ACTR2: variants seen among roughly 807,000 people sequenced by gnomAD.
The protein encoded by ACTR2 is actin related protein 2, also known as actin-related protein 2.
A neutral mutation model predicts 50.2 loss-of-function variants in ACTR2; 5 were observed. The ratio of observed to expected loss-of-function variants is 0.10; its 90% CI spans 0.05 to 0.21. The LOEUF is 0.21. ACTR2 is among the 10% of genes least tolerant of loss of function. The probability of loss-of-function intolerance (pLI) is 1.00; values close to 1 mark genes in which losing one functional copy is unlikely to be tolerated. For synonymous variants in ACTR2, 140 were observed against 162.9 expected, an observed-to-expected ratio of 0.86 and a Z score of 1.07; for missense variants, 180 against 480.6, an observed-to-expected ratio of 0.37 and a Z score of 5.85.
intron 2 of ACTR2, among the ~76,000 whole-genome samples, chr2:65,243,032 G>A (rs268860): frequency 0.33 from 49,801 of 152,032 alleles, 9,123 homozygotes; most frequent in African/African-American, 0.48. Flanking sequence ...TGTACTCCCA[G>A]CACTTTGGGA....
chr2:65,259,602 G>A (rs1234032491), intron 6 of ACTR2, among the ~76,000 whole-genome samples: 5 of 151,986 alleles, frequency 3.3e-5, no homozygotes, highest in Admixed American at 6.6e-5. Flanking sequence ...GGTGGCACAT[G>A]CCTGTAATCT....
intron 6 of ACTR2, among the ~76,000 whole-genome samples, chr2:65,259,674 A>T (rs1672226922): frequency 6.6e-6 from 1 of 152,192 alleles, no homozygotes; most frequent in South Asian, 2.1e-4. Flanking sequence ...GGTTGCACTG[A>T]GCCACGATCA....
chr2:65,242,065 T>A, intron 2 of ACTR2: 1 of 1,601,156 alleles, frequency 6.2e-7, no homozygotes, highest in Non-Finnish European at 8.6e-7. Flanking sequence ...AAAAAGATGG[T>A]AAGTGAGGTT....
chr2:65,241,189 T>C (rs1671835333), intron 2 of ACTR2, among the ~76,000 whole-genome samples: 1 of 152,152 alleles, frequency 6.6e-6, no homozygotes, highest in Non-Finnish European at 1.5e-5. Context: ...GAACTTTGAC[T>C]GGAAATTAGC....
At chr2:65,259,353 T>C (rs1672217992) in intron 6 of ACTR2, among the ~76,000 whole-genome samples, 1 of 151,648 alleles carries the variant, frequency 6.6e-6, no homozygotes, top group Non-Finnish European at 1.5e-5. Context: ...ATCTGGGAGA[T>C]TGAGGCTGCA....
chr2:65,233,647 T>C (rs1482782145), intron 1 of ACTR2, among the ~76,000 whole-genome samples: 1 of 152,008 alleles, frequency 6.6e-6, no homozygotes, highest in Non-Finnish European at 1.5e-5. Context: ...AGTCTCACTC[T>C]GTCTCCCAGG....
intron 7 of ACTR2, among the ~76,000 whole-genome samples, chr2:65,262,720 G>C (rs988981431): frequency 2.6e-5 from 4 of 152,100 alleles, no homozygotes; most frequent in African/African-American, 9.7e-5. Context: ...CACTTTGGAG[G>C]CTGAGGTGGG....
At chr2:65,256,580 A>T (rs2104011086) in intron 6 of ACTR2, among the ~76,000 whole-genome samples, 1 of 152,340 alleles carries the variant, frequency 6.6e-6, no homozygotes, top group Admixed American at 6.5e-5. Flanking sequence ...ATTATAAAAA[A>T]TTTGTTGTTG....
chr2:65,230,087 T>G lies in ACTR2; in HGVS notation c.48+2130T>G, dbSNP rs148499809. Among the ~76,000 whole-genome samples the G allele has an allele frequency of 4.2e-3, 646 of 152,328 alleles. 6 individuals carry two copies. The highest frequency in any genetic ancestry group is 5.6e-3 in the Non-Finnish European group (378 of 68,034). Reference sequence around the variant, plus strand: ...TTCTTTATTTGAACAAAGCAAGTATTATTAAACTATATTTAAACTAAATTA... The same window carrying G: ...TTCTTTATTTGAACAAAGCAAGTATGATTAAACTATATTTAAACTAAATTA... On this transcript the variant is annotated intron_variant, in intron 1 of 8. Transcript: ENST00000260641.
At chr2:65,234,568 C>T (rs1428738942) in intron 1 of ACTR2, among the ~76,000 whole-genome samples, 2 of 152,122 alleles carry the variant, frequency 1.3e-5, no homozygotes, top group Admixed American at 6.5e-5. Context: ...CCCATCTGAA[C>T]GATTATAATT....
intron 8 of ACTR2, among the ~76,000 whole-genome samples, chr2:65,266,842 GTT>G (rs1338149657): frequency 6.6e-6 from 1 of 152,196 alleles, no homozygotes; most frequent in Admixed American, 6.5e-5. Context: ...ATAGCAAGAT[GTT>G]TTGTTTCTTT....
At chr2:65,242,138 C>T in intron 2 of ACTR2, 22 of 1,099,798 alleles carry the variant, frequency 2.0e-5, no homozygotes, top group South Asian at 9.6e-5. Context: ...GTTTTGTGTC[C>T]CTTTAGTATT....
intron 1 of ACTR2, among the ~76,000 whole-genome samples, chr2:65,238,538 A>G (rs1483141968): frequency 3.3e-5 from 5 of 151,402 alleles, no homozygotes; most frequent in Non-Finnish European, 7.4e-5. Context: ...GGGCGCCTGT[A>G]GTCTCAGCTA....
chr2:65,263,040 A>C (rs891459034), intron 7 of ACTR2, among the ~76,000 whole-genome samples: 1 of 150,826 alleles, frequency 6.6e-6, no homozygotes, highest in Non-Finnish European at 1.5e-5. Flanking sequence ...TATATGTTTA[A>C]GGGACTTGTT....
chr2:65,258,349 G>A (rs1233019006), intron 6 of ACTR2, among the ~76,000 whole-genome samples: 13 of 152,216 alleles, frequency 8.5e-5, no homozygotes, highest in African/African-American at 2.2e-4. Flanking sequence ...GCTGAGATAC[G>A]AGGATCACTT....
intron 1 of ACTR2, among the ~76,000 whole-genome samples, chr2:65,232,171 T>C (rs1193936882): frequency 2.0e-5 from 3 of 152,182 alleles, no homozygotes; most frequent in African/African-American, 7.2e-5. Context: ...AACTCTAGGT[T>C]TAGGTCCTCT....
At chr2:65,243,130 T>C (rs1671873326) in intron 2 of ACTR2, among the ~76,000 whole-genome samples, 1 of 151,482 alleles carries the variant, frequency 6.6e-6, no homozygotes, top group Admixed American at 6.6e-5. Flanking sequence ...AATAGAAAAA[T>C]CAGCCAGGTG....
At chr2:65,252,624 G>A (rs189431604) in intron 4 of ACTR2, among the ~76,000 whole-genome samples, 55 of 151,888 alleles carry the variant, frequency 3.6e-4, no homozygotes, top group African/African-American at 1.2e-3. Flanking sequence ...CAGCCTGGGC[G>A]ACAGAGTGAG....
Position 65,261,290 on chromosome 2 carries a change from A to T in ACTR2, c.779A>T (p.Glu260Val). ...ATCAAAGTTGGGGGAGAGAGATTTG[A>T]AGCACCAGAAGCTTTATTTCAGCCT... The part of the protein sequence containing the change: ...RIIKVGGERF[E>V]APEALFQPHL... Residue 260 changes from glutamate to valine, a missense_variant, in exon 7 of 9, where the codon GAA (glutamate) becomes GTA (valine). Physicochemically the swap from Glu to Val is moderately radical, Grantham distance 121. Transcript: ENST00000260641. 1 of 1,614,082 alleles carries T rather than the reference A, an allele frequency of 6.2e-7. No homozygotes were observed. The highest frequency in any genetic ancestry group is 8.5e-7 in the Non-Finnish European group (1 of 1,180,014).
Sources: allele counts gnomAD v4.1 joint callset (sites outside exome capture counted in the v4.1 genomes callset), GRCh38; gene constraint gnomAD v4.1.1; transcripts MANE v1.5; gene names NCBI Gene and HGNC (gene_info 2026-07-23, HGNC 2026-07-21).